The following DNAH2 variants were observed in gnomAD, a reference collection of about 807,000 sequenced individuals.
The protein encoded by DNAH2 is axonemal beta dynein heavy chain 2.
Under a neutral mutation model 523.5 loss-of-function variants are expected in DNAH2, and 323 were observed. That is an observed-to-expected ratio of 0.62 (90% confidence interval 0.56 to 0.68). The LOEUF (loss-of-function observed/expected upper bound fraction) is 0.68. Among genes scored for constraint, DNAH2 ranks in the 30% least tolerant of loss-of-function variants. The probability of loss-of-function intolerance (pLI) is 0.00; values close to 1 mark genes in which losing one functional copy is unlikely to be tolerated. For missense variants in DNAH2, 4,907 were observed against 5,701.5 expected, an observed-to-expected ratio of 0.86 and a Z score of 4.49; for synonymous variants, 2,093 against 2,177.4, an observed-to-expected ratio of 0.96 and a Z score of 1.08.
At chr17:7,781,515 T>C (rs1031568673) in intron 39 of DNAH2, among the ~76,000 whole-genome samples, 1 of 152,204 alleles carries the variant, frequency 6.6e-6, no homozygotes, top group African/African-American at 2.4e-5. Context: ...GCACTCTCCC[T>C]GACCACATAT....
chr17:7,791,259 T>TG (rs1165990092), intron 44 of DNAH2, among the ~76,000 whole-genome samples: 1 of 151,596 alleles, frequency 6.6e-6, no homozygotes, highest in African/African-American at 2.4e-5. Context: ...TTAGTAGAGA[T>TG]GGGGTTTCTC....
Position 7,818,627 on chromosome 17 carries a change from G to A in DNAH2, c.10537-16G>A. Reference sequence around the variant, plus strand: ...AAGGAGTGACAGCCCCTCACTGTGAGTCCTGATGCCCCCAGGGCCTGGAGG... The same window carrying A: ...AAGGAGTGACAGCCCCTCACTGTGAATCCTGATGCCCCCAGGGCCTGGAGG... On this transcript the variant is annotated splice_polypyrimidine_tract_variant and intron_variant, in intron 69 of 85. Transcript: ENST00000572933. 6.2e-7 allele frequency: 1 copy of A among 1,613,584 alleles called. No homozygotes were observed. The highest frequency in any genetic ancestry group is 1.1e-5 in the South Asian group (1 of 91,068).
intron 76 of DNAH2, 80 bp downstream of exon 76, chr17:7,824,384 G>T: frequency 6.8e-7 from 1 of 1,468,218 alleles, no homozygotes. Flanking sequence ...TTACACTACT[G>T]TCCCTGTACC....
chr17:7,782,811 A>G (rs993893417), intron 39 of DNAH2, among the ~76,000 whole-genome samples: 1 of 152,156 alleles, frequency 6.6e-6, no homozygotes, highest in African/African-American at 2.4e-5. Context: ...TTAAAAAAAA[A>G]AATAGCCACA....
In DNAH2 at chr17:7,727,225, A is replaced by G. The variant is rs2074844402; in HGVS notation, c.332A>G (p.Glu111Gly). The G allele has an allele frequency of 6.2e-7, 1 of 1,611,786 alleles. No homozygotes were observed. The highest frequency in any genetic ancestry group is 8.5e-7 in the Non-Finnish European group (1 of 1,179,112). ...GAACACTTTGCCCAGGACCCTACAG[A>G]ATCCATCCTCACCATCTTCATTGAC... ...ILEHFAQDPT[E>G]SILTIFIDPC... Residue 111 changes from glutamate to glycine, a missense_variant, in exon 4 of 86, where the codon GAA becomes GGA. Around this residue, in one of 3 missense-constraint regions of DNAH2, gnomAD observed 2,806 missense variants for 3,190.8 expected, o/e 0.88. Coordinates refer to ENST00000572933, the MANE Select transcript of DNAH2 (RefSeq NM_020877.5).
intron 72 of DNAH2, among the ~76,000 whole-genome samples, chr17:7,819,854 T>G (rs2077804838): frequency 6.6e-6 from 1 of 152,146 alleles, no homozygotes; most frequent in African/African-American, 2.4e-5. Context: ...CCCTTCAAGC[T>G]CAACTCACTT....
intron 73 of DNAH2, among the ~76,000 whole-genome samples, chr17:7,823,154 T>C (rs1194171741): frequency 6.6e-6 from 1 of 151,034 alleles, no homozygotes; most frequent in East Asian, 2.0e-4. Flanking sequence ...ATTAGCCAGG[T>C]GTGGTGGCGA....
At chr17:7,777,685 G>A in intron 33 of DNAH2, 51 bp downstream of exon 33, 1 of 1,598,394 alleles carries the variant, frequency 6.3e-7, no homozygotes, top group Non-Finnish European at 8.6e-7. Flanking sequence ...GGATCCTAAT[G>A]CTTTTATTGC....
At position 7,764,229 on chromosome 17, in the gene DNAH2, C is replaced by T; in HGVS notation, c.3292C>T (p.Gln1098Ter). ...VETQIPPIHE[Q>*]FAILEKYEVP... ...GACTCAGATCCCTCCCATACACGAG[C>T]AATTTGCCATTCTTGAAAAGTACGA... is the stretch of plus-strand genomic sequence containing the variant. Residue 1098 changes from glutamine to a stop codon, truncating the protein, a stop_gained, in exon 20 of 86, where the codon CAA (glutamine) becomes TAA (stop). Coordinates refer to ENST00000572933, the MANE Select transcript of DNAH2 (RefSeq NM_020877.5). LOFTEE classifies it high-confidence loss of function. The T allele has an allele frequency of 1.2e-6, 2 of 1,613,562 alleles. No homozygotes were observed. The highest frequency in any genetic ancestry group is 1.7e-6 in the Non-Finnish European group (2 of 1,179,708).
In DNAH2 at chr17:7,734,735, G is replaced by C. The variant is rs747857585; in HGVS notation, c.978+27G>C. On this transcript the variant is annotated intron_variant, in intron 7 of 85. Transcript: ENST00000572933. ...TTTGTGAGCGAATCAAAGGATTCAGGCTCAGCAAGAAGTGGGCAATGGTTG... is the reference window on the plus strand; with the variant it reads ...TTTGTGAGCGAATCAAAGGATTCAGCCTCAGCAAGAAGTGGGCAATGGTTG... 3.7e-5 allele frequency: 60 copies of C among 1,607,384 alleles called. No homozygotes were observed. The South Asian group carries it at 6.0e-4, about 16-fold the overall frequency.
At chr17:7,806,899 G>A (rs1458089650) in intron 61 of DNAH2, among the ~76,000 whole-genome samples, 1 of 152,112 alleles carries the variant, frequency 6.6e-6, no homozygotes, top group Non-Finnish European at 1.5e-5. Flanking sequence ...GAAGTGTAGG[G>A]TGGCTTGGCT....
intron 77 of DNAH2, among the ~76,000 whole-genome samples, chr17:7,827,492 C>G (rs182265682): frequency 5.9e-5 from 9 of 152,168 alleles, no homozygotes; most frequent in Non-Finnish European, 1.2e-4. Flanking sequence ...GTCACCCAGG[C>G]TAGAGTGCAG....
Position 7,788,209 on chromosome 17 carries a change from A to G in DNAH2, c.6865A>G (p.Lys2289Glu), listed in dbSNP as rs1465260597. 7 of 1,606,420 alleles carry G rather than the reference A, an allele frequency of 4.4e-6. No homozygotes were observed. The highest frequency in any genetic ancestry group is 3.4e-5 in the Admixed American group (2 of 58,354). ...PEYSGITSLC[K>E]LYSALATPEN... ...GTACAGCGGTATCACCTCCCTCTGC[A>G]AGCTGTACTCTGCCCTGGCCACGCC... is the stretch of plus-strand genomic sequence containing the variant. Residue 2289 changes from lysine to glutamate, a missense_variant, in exon 44 of 86, where the codon AAG (lysine) becomes GAG (glutamate). Lys to Glu is a moderately conservative substitution (Grantham distance 56). Around this residue, in one of 3 missense-constraint regions of DNAH2, gnomAD observed 2,806 missense variants for 3,190.8 expected, o/e 0.88. Transcript: ENST00000572933.
intron 46 of DNAH2, 134 bp from the exon 47 acceptor site, chr17:7,792,523 G>A: frequency 1.0e-6 from 1 of 967,196 alleles, no homozygotes; most frequent in South Asian, 1.5e-5. Flanking sequence ...GGTCTCTGAG[G>A]GGAGCACATG....
Position 7,823,578 on chromosome 17 carries a change from A to G in DNAH2, c.11279A>G (p.Asp3760Gly). The change falls in exon 74 of 86, where the codon GAC becomes GGC. Residue 3760 changes from aspartate to glycine, a missense_variant. Around this residue, in one of 3 missense-constraint regions of DNAH2, gnomAD observed 1,851 missense variants for 2,139.4 expected, o/e 0.87. Transcript: ENST00000572933. ...LMNSFEQYPRDWHLWYTNAAP... is the reference protein window; with the variant it reads ...LMNSFEQYPRGWHLWYTNAAP... ...AACTCCTTTGAGCAGTACCCTCGTG[A>G]CTGGCACCTGTGGTATACCAATGCT... The G allele has an allele frequency of 6.2e-7, 1 of 1,614,112 alleles. No individual in the cohort carries two copies. The highest frequency in any genetic ancestry group is 8.5e-7 in the Non-Finnish European group (1 of 1,180,010).
At chr17:7,734,957 G>A (rs1034546746) in intron 7 of DNAH2, among the ~76,000 whole-genome samples, 2 of 151,820 alleles carry the variant, frequency 1.3e-5, no homozygotes, top group African/African-American at 4.8e-5. Flanking sequence ...CTGCCACCCA[G>A]CTGGGAAAAT....
intron 7 of DNAH2, among the ~76,000 whole-genome samples, chr17:7,735,266 G>T (rs555229557): frequency 3.9e-5 from 6 of 152,006 alleles, no homozygotes; most frequent in African/African-American, 1.4e-4. Flanking sequence ...GAGTAGCTGA[G>T]ATTACAGGTG....
intron 11 of DNAH2, among the ~76,000 whole-genome samples, chr17:7,741,342 C>T (rs2075342175): frequency 3.2e-5 from 4 of 124,200 alleles, no homozygotes; most frequent in Non-Finnish European, 3.3e-5. Context: ...TCCTTCCTTC[C>T]TTCCTTCCTT....
intron 2 of DNAH2, among the ~76,000 whole-genome samples, chr17:7,723,164 G>A (rs560691822): frequency 6.5e-4 from 98 of 149,860 alleles, no homozygotes; most frequent in African/African-American, 2.3e-3. Context: ...TAGAGACGGG[G>A]TTTCACCGTA....
Sources: gnomAD v4.1 joint callset for allele counts (sites outside exome capture counted in the v4.1 genomes callset) on GRCh38, gnomAD v4.1.1 for gene constraint, gnomAD v4.1.1 regional missense constraint, MANE v1.5 for transcripts, NCBI Gene and HGNC (gene_info 2026-07-23, HGNC 2026-07-21) for gene names.